The following OR10S1 variants were observed in gnomAD, a reference collection of about 807,000 sequenced individuals.
The protein encoded by OR10S1 is olfactory receptor 10S1.
For missense variants in OR10S1, 415 were observed against 407.9 expected, an observed-to-expected ratio of 1.02 and a Z score of -0.15; for synonymous variants, 167 against 164.1, an observed-to-expected ratio of 1.02 and a Z score of -0.13.
chr11:123,977,564 A>G, exon 1 of OR10S1: 1 of 1,613,822 alleles, frequency 6.2e-7, no homozygotes, highest in South Asian at 1.1e-5. Context: ...GAGGAGGAAG[A>G]GGAGGAAGAA....
rs775734563 is a variant in OR10S1 at position 123,977,355 on chromosome 11, C to T, written c.310G>A (p.Val104Ile). Residue 104 changes from valine (V) to isoleucine (I), a missense_variant, in exon 1 of 1, where the codon GTA (valine) becomes ATA (isoleucine). Transcript: ENST00000641123. ...AGAAAGTGGAAGCAATAAAGCTGTA[C>T]GGCACAGCCCTCAAAGGAGATCACC... is the stretch of plus-strand genomic sequence containing the variant. The T allele has an allele frequency of 8.7e-6, 14 of 1,613,924 alleles. No individual in the cohort carries two copies. The East Asian group carries it at 8.9e-5, about 10-fold the overall frequency.
exon 1 of OR10S1, chr11:123,977,668 C>T (rs749834130): frequency 3.7e-6 from 6 of 1,601,158 alleles, no homozygotes; most frequent in Middle Eastern, 1.6e-4. Context: ...TGGTCATCTT[C>T]TCACACACAG....
Position 123,977,681 on chromosome 11 carries a change from C to T in OR10S1, c.-17G>A, listed in dbSNP as rs142345245. The T allele has an allele frequency of 9.5e-5, 152 of 1,599,042 alleles. No homozygotes were observed. In the African/African-American group the frequency reaches 1.8e-3, roughly 19 times the overall value. On this transcript the variant is annotated 5_prime_UTR_variant, in exon 1 of 1. Coordinates refer to ENST00000641123, the Ensembl canonical transcript of OR10S1. ...CATGGTCATCTTCTCACACACAGAGCGGCTAGTCATCCCCTTTGCAACAAA... is the reference window on the plus strand; with the variant it reads ...CATGGTCATCTTCTCACACACAGAGTGGCTAGTCATCCCCTTTGCAACAAA...
exon 1 of OR10S1, chr11:123,976,722 A>T: frequency 6.2e-7 from 1 of 1,612,700 alleles, no homozygotes; most frequent in Non-Finnish European, 8.5e-7. Context: ...CCTGCTGTAG[A>T]CTCTCGGAAG....
At chr11:123,977,777 T>C in exon 1 of OR10S1, 1 of 1,236,248 alleles carries the variant, frequency 8.1e-7, no homozygotes, top group Non-Finnish European at 1.1e-6. Context: ...CACACCACCT[T>C]GGTCTTACCC....
chr11:123,977,680 G>A (rs1011385354), exon 1 of OR10S1: 2 of 1,599,330 alleles, frequency 1.3e-6, no homozygotes, highest in Non-Finnish European at 1.7e-6. Flanking sequence ...CACACACAGA[G>A]CGGCTAGTCA....
At chr11:123,976,799 T>C (rs2137532938) in exon 1 of OR10S1, 1 of 1,614,126 alleles carries the variant, frequency 6.2e-7, no homozygotes, top group South Asian at 1.1e-5. Flanking sequence ...AATGAATGGG[T>C]TGAGCATTGG....
At chr11:123,977,071 G>T (rs369808063) in exon 1 of OR10S1, 7 of 1,614,250 alleles carry the variant, frequency 4.3e-6, no homozygotes, top group East Asian at 2.2e-5. Flanking sequence ...GCTCATTAAT[G>T]GTGGTGTCTG....
At chr11:123,977,369 A>G in exon 1 of OR10S1, 2 of 1,614,154 alleles carry the variant, frequency 1.2e-6, no homozygotes, top group East Asian at 2.2e-5. Context: ...ACAGCCCTCA[A>G]AGGAGATCAC....
At chr11:123,977,532 C>G in exon 1 of OR10S1, 1 of 1,613,928 alleles carries the variant, frequency 6.2e-7, no homozygotes, top group Non-Finnish European at 8.5e-7. Context: ...AGGAGATTCC[C>G]AGCCACAGTG....
At chr11:123,977,605 A>T (rs1863733686) in exon 1 of OR10S1, 1 of 1,610,048 alleles carries the variant, frequency 6.2e-7, no homozygotes, top group South Asian at 1.1e-5. Flanking sequence ...TGTACCTCAA[A>T]CCCTCCAGGA....
chr11:123,977,321 G>C (rs771048444), exon 1 of OR10S1: 2 of 1,614,182 alleles, frequency 1.2e-6, no homozygotes, highest in Admixed American at 3.3e-5. Context: ...GAAGCACTCA[G>C]TGCTGGCCAG....
At position 123,977,608 on chromosome 11, in the gene OR10S1, CT is replaced by C. The variant is rs752408882; in HGVS notation, c.56del (p.Glu19GlyfsTer3). The C allele has an allele frequency of 3.7e-6, 6 of 1,609,956 alleles. No homozygotes were observed. The South Asian group carries it at 6.6e-5, about 18-fold the overall frequency. ...AATGTTTAGCGGTGTACCTCAAACC[CT>C]CCAGGAAGAAGTGGCTCACCACAGT... On this transcript the variant is annotated frameshift_variant, in exon 1 of 1. Transcript: ENST00000641123. LOFTEE classifies it low-confidence loss of function (END_TRUNC).
exon 1 of OR10S1, chr11:123,977,021 C>T: frequency 6.2e-7 from 1 of 1,614,174 alleles, no homozygotes; most frequent in East Asian, 2.2e-5. Flanking sequence ...GAGGATGAGG[C>T]AGCCTGCAGC....
chr11:123,977,055 T>G (rs753962957), exon 1 of OR10S1: 3 of 1,614,080 alleles, frequency 1.9e-6, no homozygotes, highest in Admixed American at 1.7e-5. Flanking sequence ...CTGGCAAGCA[T>G]GACTAGCTCA....
At chr11:123,976,826 A>G in exon 1 of OR10S1, 4 of 1,614,206 alleles carry the variant, frequency 2.5e-6, no homozygotes, top group Non-Finnish European at 3.4e-6. Flanking sequence ...GATTGTGTAG[A>G]AGACAGCAGG....
exon 1 of OR10S1, chr11:123,976,737 T>A (rs1339940343): frequency 6.2e-7 from 1 of 1,614,024 alleles, no homozygotes; most frequent in Non-Finnish European, 8.5e-7. Context: ...CGGAAGCTGC[T>A]GCACAAAAGC....
chr11:123,977,216 G>C, exon 1 of OR10S1: 15 of 1,614,228 alleles, frequency 9.3e-6, no homozygotes, highest in Non-Finnish European at 1.3e-5. Context: ...GGTGATTCCA[G>C]CCATTTCTGC....
At chr11:123,976,957 G>T in exon 1 of OR10S1, 1 of 1,614,000 alleles carries the variant, frequency 6.2e-7, no homozygotes, top group Non-Finnish European at 8.5e-7. Context: ...GCCGGCCCTG[G>T]GCTGTGCGGA....
Sources: allele counts gnomAD v4.1 joint callset, GRCh38; gene constraint gnomAD v4.1.1; transcripts MANE v1.5; gene names NCBI Gene and HGNC (gene_info 2026-07-23, HGNC 2026-07-21).